Variants in SGMS1 observed in about 807,000 individuals in gnomAD.
SGMS1 encodes phosphatidylcholine:ceramide cholinephosphotransferase 1.
Under a neutral mutation model 46.2 loss-of-function variants are expected in SGMS1, and 13 were observed. The observed-to-expected ratio is 0.28, with a 90% confidence interval of 0.18 to 0.45. The LOEUF (loss-of-function observed/expected upper bound fraction) is 0.45, where lower values mean the gene tolerates loss of function less well. Ranked by LOEUF, SGMS1 falls within the 20% of genes least tolerant of loss-of-function variation. The pLI, the probability that SGMS1 is intolerant of heterozygous loss-of-function variation, is 1.00. For synonymous variants in SGMS1, 203 were observed against 187.8 expected (o/e 1.08, Z -0.66); for missense variants, 324 against 519.9 (o/e 0.62, Z 3.66).
At chr10:50,345,174 C>G (rs1214394877) in intron 6 of SGMS1, among the ~76,000 whole-genome samples, 1 of 151,612 alleles carries the variant, frequency 6.6e-6, no homozygotes, top group African/African-American at 2.4e-5. Context: ...GCTTAGGTCC[C>G]AAATAGATAA....
intron 9 of SGMS1, among the ~76,000 whole-genome samples, chr10:50,310,531 TA>T (rs1295800582): frequency 6.6e-6 from 1 of 151,956 alleles, no homozygotes; most frequent in African/African-American, 2.4e-5. Context: ...TATATAAATT[TA>T]AAAAACCACA....
chr10:50,312,374 A>C (rs1248627383), intron 8 of SGMS1, among the ~76,000 whole-genome samples: 1 of 151,292 alleles, frequency 6.6e-6, no homozygotes, highest in Non-Finnish European at 1.5e-5. Context: ...GATGGAGCAC[A>C]CCACACAGAG....
chr10:50,620,932 G>C (rs941171102), intron 1 of SGMS1, among the ~76,000 whole-genome samples: 1 of 151,972 alleles, frequency 6.6e-6, no homozygotes, highest in Non-Finnish European at 1.5e-5. Flanking sequence ...ACCTGTAATC[G>C]CAGCACTTTG....
chr10:50,408,469 T>G (rs933876513), intron 6 of SGMS1, among the ~76,000 whole-genome samples: 5 of 150,594 alleles, frequency 3.3e-5, no homozygotes, highest in African/African-American at 1.2e-4. Context: ...AATAAAAACT[T>G]TTTTTAATTA....
chr10:50,464,196 CAA>C (rs552431542), intron 4 of SGMS1, among the ~76,000 whole-genome samples: 51 of 152,174 alleles, frequency 3.4e-4, no homozygotes, highest in African/African-American at 1.2e-3. Flanking sequence ...TAAAAACAAA[CAA>C]GAGATTATCC....
chr10:50,524,965 T>C (rs1281827567), intron 2 of SGMS1, among the ~76,000 whole-genome samples: 1 of 152,052 alleles, frequency 6.6e-6, no homozygotes, highest in Admixed American at 6.6e-5. Context: ...AAGACCAAAA[T>C]ATTTTACCAA....
chr10:50,490,116 A>G (rs1376560677), intron 3 of SGMS1, among the ~76,000 whole-genome samples: 2 of 152,242 alleles, frequency 1.3e-5, no homozygotes, highest in African/African-American at 4.8e-5. Flanking sequence ...TTGCTTTTTG[A>G]CTTTAAGAAG....
At position 50,343,827 on chromosome 10, in the gene SGMS1, G is replaced by GC. The variant is rs780427676; in HGVS notation, c.287dup (p.Ser97GlnfsTer7). On this transcript the variant is annotated frameshift_variant, in exon 7 of 11. Transcript: ENST00000361781. LOFTEE classifies it high-confidence loss of function. ...TGGGTTTAATCTTGATGCTGAAGCT[G>GC]CCGTCGGGGGTGGGGATGTCTACGC... The GC allele has an allele frequency of 5.6e-6, 9 of 1,614,180 alleles. No homozygotes were observed. Among genetic ancestry groups the GC allele is most frequent in the Non-Finnish European group, 7.6e-6 (9 of 1,180,028 alleles).
In SGMS1 at chr10:50,353,328, T is replaced by A. The variant is rs930825700; in HGVS notation, c.-231-8983A>T. ...TAATCCAGCATATAAACAGAACCAC[T>A]GACAAAAACCACATGATTATCTCAA... On this transcript the variant is annotated intron_variant, in intron 6 of 10. Coordinates refer to ENST00000361781, the MANE Select transcript of SGMS1 (RefSeq NM_147156.4). Among the ~76,000 whole-genome samples the A allele has an allele frequency of 5.2e-5, 8 of 152,410 alleles. No homozygotes were observed. The South Asian group carries it at 6.2e-4, about 12-fold the overall frequency.
chr10:50,560,470 C>T (rs537444109), intron 2 of SGMS1, among the ~76,000 whole-genome samples: 150 of 139,718 alleles, frequency 1.1e-3, no homozygotes, highest in African/African-American at 3.8e-3. Context: ...ACATATAATA[C>T]ATATATGTAA....
chr10:50,483,181 G>A (rs974101864), intron 3 of SGMS1, among the ~76,000 whole-genome samples: 2 of 152,180 alleles, frequency 1.3e-5, no homozygotes, highest in African/African-American at 4.8e-5. Context: ...CTGGGTTCAA[G>A]CGATTCTCCT....
chr10:50,340,358 T>C (rs1459244678), intron 7 of SGMS1: 1 of 152,206 alleles, frequency 6.6e-6, no homozygotes. Flanking sequence ...AATATGTTCT[T>C]TATCATGCTT....
intron 8 of SGMS1, among the ~76,000 whole-genome samples, 198 bp downstream of exon 8, chr10:50,327,007 C>T (rs921924104): frequency 3.4e-5 from 2 of 59,170 alleles, no homozygotes; most frequent in Non-Finnish European, 6.0e-5. Context: ...ACACATTTCC[C>T]CAGTTGGGAG....
At chr10:50,452,725 A>G (rs1315664627) in intron 5 of SGMS1, among the ~76,000 whole-genome samples, 1 of 152,120 alleles carries the variant, frequency 6.6e-6, no homozygotes, top group African/African-American at 2.4e-5. Context: ...AGTTTAACAG[A>G]CCCCTGCGTA....
chr10:50,596,585 T>A (rs563775766), intron 1 of SGMS1, among the ~76,000 whole-genome samples: 1 of 152,186 alleles, frequency 6.6e-6, no homozygotes, highest in East Asian at 1.9e-4. Context: ...TACATAAACA[T>A]TGGAGCTGGA....
At chr10:50,456,305 T>C (rs933504411) in intron 5 of SGMS1, among the ~76,000 whole-genome samples, 1 of 149,692 alleles carries the variant, frequency 6.7e-6, no homozygotes, top group African/African-American at 2.5e-5. Flanking sequence ...AGGACAATTA[T>C]TGATAATAAG....
At chr10:50,313,299 C>T (rs750805749) in intron 8 of SGMS1, among the ~76,000 whole-genome samples, 4 of 152,176 alleles carry the variant, frequency 2.6e-5, no homozygotes, top group African/African-American at 7.2e-5. Flanking sequence ...AAGTCAGTAA[C>T]GGTGAATGCC....
rs1223273649 is a variant in SGMS1 at position 50,308,087 on chromosome 10, G to T, written c.957C>A (p.Ile319=). 1 of 1,613,980 alleles carries T rather than the reference G, an allele frequency of 6.2e-7. No homozygotes were observed. The change falls in exon 10 of 11, where the codon ATC becomes ATA. Residue 319 remains isoleucine (I), a synonymous_variant. Coordinates refer to ENST00000361781, the MANE Select transcript of SGMS1 (RefSeq NM_147156.4). ...GGTCATGCGCTAAGAGAATACAGAA[G>T]ATTCCAACTACGCTGAGAAGCCAGC... ...WICWLLSVVG[I]FCILLAHDHY...
intron 2 of SGMS1, among the ~76,000 whole-genome samples, chr10:50,533,160 C>T (rs1158292659): frequency 6.6e-6 from 1 of 152,146 alleles, no homozygotes. Context: ...TATAACTTTT[C>T]TAAAAACAGA....
Sources: gnomAD v4.1 joint callset for allele counts (sites outside exome capture counted in the v4.1 genomes callset) on GRCh38, gnomAD v4.1.1 for gene constraint, MANE v1.5 for transcripts, NCBI Gene and HGNC (gene_info 2026-07-23, HGNC 2026-07-21) for gene names.